Variants in MARCHF1 observed in about 807,000 individuals in gnomAD.
MARCHF1 encodes E3 ubiquitin-protein ligase MARCHF1.
MARCHF1 carries 40 observed loss-of-function variants against 54.2 expected under a neutral mutation model. The observed-to-expected ratio is 0.74, with a 90% CI of 0.57 to 0.96. The LOEUF (loss-of-function observed/expected upper bound fraction) is 0.96, where lower values mean the gene tolerates loss of function less well. Among genes scored for constraint, MARCHF1 ranks in the 40% least tolerant of loss-of-function variants. The pLI, the probability that MARCHF1 is intolerant of heterozygous loss-of-function variation, is 0.00. For synonymous variants in MARCHF1, 236 were observed against 236.3 expected (o/e 1.00, Z 0.01); for missense variants, 586 against 656.5 (o/e 0.89, Z 1.17).
intron 1 of MARCHF1, among the ~76,000 whole-genome samples, chr4:164,191,154 C>T (rs974240416): frequency 6.6e-6 from 1 of 152,124 alleles, no homozygotes; most frequent in Non-Finnish European, 1.5e-5. Flanking sequence ...AAACAAGATT[C>T]GGAGTATGGA....
chr4:164,155,646 G>A (rs1730057344), intron 1 of MARCHF1, among the ~76,000 whole-genome samples: 1 of 152,036 alleles, frequency 6.6e-6, no homozygotes, highest in South Asian at 2.1e-4. Context: ...CATTGACATA[G>A]AGGATGGAAT....
intron 4 of MARCHF1, among the ~76,000 whole-genome samples, chr4:163,789,426 T>C (rs1747710199): frequency 6.6e-6 from 1 of 151,892 alleles, no homozygotes; most frequent in Non-Finnish European, 1.5e-5. Context: ...TGGGATGAAA[T>C]AATCTGTATA....
At chr4:164,115,109 G>A (rs574350982) in intron 1 of MARCHF1, among the ~76,000 whole-genome samples, 1 of 151,980 alleles carries the variant, frequency 6.6e-6, no homozygotes, top group East Asian at 1.9e-4. Context: ...AAGTTTGAGG[G>A]TGGTTATTTT....
chr4:163,731,514 G>A (rs1745829718), intron 4 of MARCHF1, among the ~76,000 whole-genome samples: 1 of 152,180 alleles, frequency 6.6e-6, no homozygotes, highest in South Asian at 2.1e-4. Flanking sequence ...GAAAACCCAG[G>A]CAGTGATTAG....
intron 4 of MARCHF1, among the ~76,000 whole-genome samples, chr4:163,846,057 A>G (rs948085080): frequency 6.6e-6 from 1 of 152,196 alleles, no homozygotes; most frequent in Admixed American, 6.6e-5. Flanking sequence ...TGGTTATTCT[A>G]ATAAAAATTT....
chr4:164,120,769 C>T (rs904345987), intron 1 of MARCHF1, among the ~76,000 whole-genome samples: 3 of 152,138 alleles, frequency 2.0e-5, no homozygotes, highest in African/African-American at 7.2e-5. Context: ...GGAAATAAAA[C>T]ATTTTCTTAA....
intron 7 of MARCHF1, 101 bp downstream of exon 7, chr4:163,612,170 A>C: frequency 9.6e-7 from 1 of 1,038,888 alleles, no homozygotes; most frequent in Non-Finnish European, 1.3e-6. Context: ...AACAATGTAA[A>C]TAAATGTTAA....
At chr4:163,707,663 T>C (rs1744987543) in intron 4 of MARCHF1, among the ~76,000 whole-genome samples, 1 of 151,824 alleles carries the variant, frequency 6.6e-6, no homozygotes, top group African/African-American at 2.4e-5. Flanking sequence ...CAACATATAT[T>C]GAAATTAAAA....
intron 3 of MARCHF1, among the ~76,000 whole-genome samples, chr4:163,918,362 C>G (rs115391158): frequency 0.017 from 2,600 of 152,172 alleles, 67 homozygotes; most frequent in African/African-American, 0.058. Context: ...TGTTGTTTGT[C>G]TTCTCATGCT....
intron 1 of MARCHF1, among the ~76,000 whole-genome samples, chr4:164,319,722 T>C (rs950296362): frequency 6.6e-6 from 1 of 152,156 alleles, no homozygotes; most frequent in Non-Finnish European, 1.5e-5. Context: ...AGATAGATCC[T>C]TTATTTTAAA....
chr4:164,051,714 TG>T (rs1475223483), intron 2 of MARCHF1, among the ~76,000 whole-genome samples: 15 of 152,178 alleles, frequency 9.9e-5, no homozygotes, highest in Non-Finnish European at 1.8e-4. Flanking sequence ...TAGGTCTAAC[TG>T]ATTCCCTTGT....
intron 1 of MARCHF1, among the ~76,000 whole-genome samples, chr4:164,147,678 G>T (rs557466656): frequency 1.3e-5 from 1 of 79,502 alleles, no homozygotes; most frequent in Non-Finnish European, 3.0e-5. Context: ...GTTATGGGGT[G>T]GGGGGAGGGG....
intron 3 of MARCHF1, among the ~76,000 whole-genome samples, chr4:163,871,046 C>T (rs542302663): frequency 6.6e-6 from 1 of 151,952 alleles, no homozygotes; most frequent in South Asian, 2.1e-4. Context: ...TAATAATTAC[C>T]CTGATTTATT....
At chr4:164,166,203 G>A (rs1476740464) in intron 1 of MARCHF1, among the ~76,000 whole-genome samples, 2 of 151,894 alleles carry the variant, frequency 1.3e-5, no homozygotes, top group Non-Finnish European at 2.9e-5. Context: ...CCTTTGAAGT[G>A]CTCCTTTTGT....
At chr4:163,852,993 G>A (rs2111167623) in intron 4 of MARCHF1, among the ~76,000 whole-genome samples, 1 of 152,180 alleles carries the variant, frequency 6.6e-6, no homozygotes, top group Middle Eastern at 3.4e-3. Flanking sequence ...ACAGTGAGAA[G>A]GCACCATCTA....
Position 163,528,783 on chromosome 4 carries a change from C to T in MARCHF1, c.1603G>A (p.Ala535Thr), listed in dbSNP as rs375832024. ...ACAACTTCAGGGGGGCCACCCTCTGCAGATGGCAGTGAATTTGCACCTGTT... is the reference window on the plus strand; with the variant it reads ...ACAACTTCAGGGGGGCCACCCTCTGTAGATGGCAGTGAATTTGCACCTGTT... ...PQTGANSLPSAEGGPPEVVSV is the reference protein window; with the variant it reads ...PQTGANSLPSTEGGPPEVVSV Residue 535 changes from alanine to threonine, a missense_variant, in exon 10 of 10, where the codon GCA (alanine) becomes ACA (threonine). This residue lies in a region of MARCHF1 where 106 missense variants were observed against 93.8 expected (regional missense o/e 1.13). Transcript: ENST00000514618. 13 of 1,612,796 alleles carry T rather than the reference C, an allele frequency of 8.1e-6. No homozygotes were observed. The highest frequency in any genetic ancestry group is 2.7e-5 in the African/African-American group (2 of 74,850).
rs138291988 is a variant in MARCHF1 at position 164,117,619 on chromosome 4, G to C, written c.-322-5957C>G. Among the ~76,000 whole-genome samples the C allele has an allele frequency of 3.8e-3, 579 of 152,152 alleles. 15 individuals carry two copies. The highest frequency in any genetic ancestry group is 0.013 in the African/African-American group (539 of 41,438). ...ATAAACACTTAAAATCAACACTGAA[G>C]CTGGGCACGGTGGCTCACATCTGTA... On this transcript the variant is annotated intron_variant, in intron 1 of 9. Coordinates refer to ENST00000514618, the MANE Select transcript of MARCHF1 (RefSeq NM_001394959.1).
intron 2 of MARCHF1, among the ~76,000 whole-genome samples, chr4:164,000,609 A>G (rs1321504740): frequency 2.6e-5 from 4 of 151,738 alleles, no homozygotes; most frequent in South Asian, 4.1e-4. Flanking sequence ...ACTAAGTTAG[A>G]TAGAATGTAA....
At chr4:164,058,714 G>C (rs1410119263) in intron 2 of MARCHF1, among the ~76,000 whole-genome samples, 1 of 152,056 alleles carries the variant, frequency 6.6e-6, no homozygotes, top group Admixed American at 6.6e-5. Flanking sequence ...GCACATCTCT[G>C]TCACTGATGA....
Sources: allele counts gnomAD v4.1 joint callset (sites outside exome capture counted in the v4.1 genomes callset), GRCh38; gene constraint gnomAD v4.1.1; regional missense constraint gnomAD v4.1.1; transcripts MANE v1.5; gene names NCBI Gene and HGNC (gene_info 2026-07-23, HGNC 2026-07-21).